Variants in SERPINF2 observed in about 807,000 individuals in gnomAD.
The protein encoded by SERPINF2 is serpin family F member 2.
SERPINF2 carries 15 observed loss-of-function variants against 45.0 expected under a neutral mutation model. The ratio of observed to expected loss-of-function variants is 0.33; its 90% CI spans 0.22 to 0.51. The LOEUF is 0.51. SERPINF2 is among the 20% of genes least tolerant of loss of function. The probability of loss-of-function intolerance (pLI) is 0.97; values close to 1 mark genes in which losing one functional copy is unlikely to be tolerated. For missense variants in SERPINF2, 518 were observed against 637.4 expected (o/e 0.81, Z 2.02); for synonymous variants, 283 against 277.9 (o/e 1.02, Z -0.18).
rs556043537 is a variant in SERPINF2, at chr17:1,743,198, G to A, written c.-5+290G>A. 5 of 720,984 alleles carry A rather than the reference G, an allele frequency of 6.9e-6. No homozygotes were observed. The East Asian group carries it at 3.9e-4, about 56-fold the overall frequency. 44.7% of individuals were successfully genotyped at this position (720,984 alleles called of 1,614,324 possible). On this transcript the variant is annotated intron_variant, in intron 1 of 9. Transcript: ENST00000453066. ...GGTGGGCTGGAGGTAGCTGAGACCT[G>A]CTCTGACTTATCCTCCTGAGACCAA...
At chr17:1,750,286 C>A (rs12936190) in intron 8 of SERPINF2, among the ~76,000 whole-genome samples, 34,889 of 151,796 alleles carry the variant, frequency 0.23, 4,028 homozygotes, top group South Asian at 0.39. Flanking sequence ...GTAGCTTGGA[C>A]TACAGGCGCC....
Position 1,742,888 on chromosome 17 carries a change from G to T in SERPINF2, c.-25G>T. On this transcript the variant is annotated 5_prime_UTR_variant, in exon 1 of 10. Transcript: ENST00000453066. ...GTGGGGCCAGAGGAACGTTGTGTGTGGCAGCAAGGAGCCCGCAGAGGTATG... is the reference window on the plus strand; with the variant it reads ...GTGGGGCCAGAGGAACGTTGTGTGTTGCAGCAAGGAGCCCGCAGAGGTATG... 1 of 985,414 alleles carries T rather than the reference G, an allele frequency of 1.0e-6. No homozygotes were observed. The highest frequency in any genetic ancestry group is 1.2e-6 in the Non-Finnish European group (1 of 830,042). 61.0% of individuals were successfully genotyped at this position (985,414 alleles called of 1,614,324 possible).
Position 1,754,665 on chromosome 17 carries a change from A to T in SERPINF2, c.*131A>T. ...CTGAGAGAGGCCATTCTTTCCCAAC[A>T]CCTCTTGGGGAGTTTAGGGTGGGGG... On this transcript the variant is annotated 3_prime_UTR_variant, in exon 10 of 10. Coordinates refer to ENST00000453066, the MANE Select transcript of SERPINF2 (RefSeq NM_000934.4). 2.7e-6 allele frequency: 1 copy of T among 371,762 alleles called. No individual in the cohort carries two copies. The highest frequency in any genetic ancestry group is 4.3e-6 in the Non-Finnish European group (1 of 233,088). 23.0% of individuals were successfully genotyped at this position (371,762 alleles called of 1,614,324 possible).
In SERPINF2 at chr17:1,748,697, C is replaced by T. The variant is rs374422816; in HGVS notation, c.815C>T (p.Thr272Met). ...TVPVEMMQAR[T>M]YPLRWFLLEQ... ...CCCGTGGAAATGATGCAGGCCCGCA[C>T]GTACCCGCTGCGCTGGTTCTTGCTG... Residue 272 changes from threonine (T) to methionine (M), a missense_variant, in exon 8 of 10, where the codon ACG becomes ATG. This residue lies in a region of SERPINF2 where 435 missense variants were observed against 577.3 expected (regional missense o/e 0.75). Coordinates refer to ENST00000453066, the MANE Select transcript of SERPINF2 (RefSeq NM_000934.4). The T allele has an allele frequency of 3.1e-4, 493 of 1,568,902 alleles. 5 individuals are homozygous for T. In the South Asian group the frequency reaches 4.7e-3, roughly 15 times the overall value.
In SERPINF2 at chr17:1,742,902, C is replaced by T. The variant is rs570653592; in HGVS notation, c.-11C>T. 51 of 985,256 alleles carry T rather than the reference C, an allele frequency of 5.2e-5. No individual in the cohort carries two copies. Among genetic ancestry groups the T allele is most frequent in the African/African-American group, 5.1e-4 (29 of 57,186 alleles). 61.0% of individuals were successfully genotyped at this position (985,256 alleles called of 1,614,324 possible). A position where few individuals can be genotyped will look rare whatever the true frequency, so the allele number is the denominator to read the frequency against. The stretch of plus-strand genomic sequence containing the variant: ...ACGTTGTGTGTGGCAGCAAGGAGCC[C>T]GCAGAGGTATGAGGGGAGGGGCTGC... On this transcript the variant is annotated 5_prime_UTR_variant, in exon 1 of 10. Transcript: ENST00000453066.
At chr17:1,746,386 G>T (rs1216641279) in intron 5 of SERPINF2, among the ~76,000 whole-genome samples, 1 of 151,654 alleles carries the variant, frequency 6.6e-6, no homozygotes, top group East Asian at 1.9e-4. Context: ...AGATCTCAGG[G>T]ACTGGGCCGG....
Position 1,747,123 on chromosome 17 carries a change from G to C in SERPINF2, c.472G>C (p.Gly158Arg). The change falls in exon 6 of 10, where the codon GGC (glycine) becomes CGC (arginine). Residue 158 changes from glycine to arginine, a missense_variant. This residue lies in a region of SERPINF2 where 435 missense variants were observed against 577.3 expected (regional missense o/e 0.75). Transcript: ENST00000453066. ...CCGCCTCTGCCAGGACCTGGGCCCC[G>C]GCGCGTTCCGACTGGCTGCCAGGAT... Reference protein sequence around the residue: ...LSRLCQDLGPGAFRLAARMYL... With the variant: ...LSRLCQDLGPRAFRLAARMYL... 1 of 1,611,810 alleles carries C rather than the reference G, an allele frequency of 6.2e-7. No homozygotes were observed.
chr17:1,751,358 A>G (rs1906379522), intron 8 of SERPINF2, among the ~76,000 whole-genome samples: 1 of 151,212 alleles, frequency 6.6e-6, no homozygotes, highest in African/African-American at 2.4e-5. Context: ...CTGAGGCAGG[A>G]GAATCACTTG....
rs1284884792 is a variant in SERPINF2 at position 1,747,442 on chromosome 17, G to T, written c.645G>T (p.Lys215Asn). ...GGGTGAAGGAGGCCACGGAGGGGAA[G>T]ATTCAGGAATTCCTCTCTGGGCTGC... ...NQWVKEATEG[K>N]IQEFLSGLPE... Residue 215 changes from lysine (K) to asparagine (N), a missense_variant, in exon 7 of 10, where the codon AAG (lysine) becomes AAT (asparagine). By Grantham distance (94) the Lys-to-Asn change is moderately conservative. Transcript: ENST00000453066. 2 of 1,614,194 alleles carry T rather than the reference G, an allele frequency of 1.2e-6. No homozygotes were observed. The highest frequency in any genetic ancestry group is 2.2e-5 in the South Asian group (2 of 91,084).
At chr17:1,753,424 C>T (rs191188120) in intron 9 of SERPINF2, among the ~76,000 whole-genome samples, 6 of 152,270 alleles carry the variant, frequency 3.9e-5, no homozygotes, top group Admixed American at 1.3e-4. Flanking sequence ...TGGTGGCTCA[C>T]GTCTGTAATC....
chr17:1,749,950 C>T (rs956226682), intron 8 of SERPINF2, among the ~76,000 whole-genome samples: 4 of 151,190 alleles, frequency 2.6e-5, no homozygotes, highest in Admixed American at 1.3e-4. Flanking sequence ...CAGCATCTTG[C>T]GTGGAACATT....
rs564324815 is a variant in SERPINF2, at chr17:1,748,028, G to A, written c.715+516G>A. 9.3e-5 allele frequency among the ~76,000 whole-genome samples: 14 copies of A among 150,168 alleles called. No homozygotes were observed. In the East Asian group the frequency reaches 1.7e-3, roughly 18 times the overall value. On this transcript the variant is annotated intron_variant, in intron 7 of 9. Transcript: ENST00000453066. ...AAAAGATCCAGGAGGGGCTGGGCGC[G>A]GTGGCTCACGCCTGTAATCCCAACA... is the stretch of plus-strand genomic sequence containing the variant.
intron 9 of SERPINF2, among the ~76,000 whole-genome samples, chr17:1,753,195 G>A (rs976793155): frequency 1.3e-5 from 2 of 152,130 alleles, no homozygotes; most frequent in South Asian, 4.1e-4. Context: ...GCTTGAGCCC[G>A]GGAGTCCGAC....
At chr17:1,748,877 G>A (rs1906116435) in intron 8 of SERPINF2, 137 bp downstream of exon 8, 1 of 733,914 alleles carries the variant, frequency 1.4e-6, no homozygotes, top group East Asian at 2.5e-5. Context: ...GCAGGCAACT[G>A]CAAAAGGTCC....
chr17:1,754,685 T>TGGGGGGGGGGGGG lies in SERPINF2; in HGVS notation c.*161_*162insGGGGGGGGGGGGG, dbSNP rs67887323. The TGGGGGGGGGGGGG allele has an allele frequency of 1.7e-5, 3 of 181,384 alleles. No homozygotes were observed. The highest frequency in any genetic ancestry group is 6.4e-5 in the South Asian group (1 of 15,732). The allele number at this position is 181,384 out of a possible 1,614,324, so 11.2% of individuals were successfully genotyped here. A position where few individuals can be genotyped will look rare whatever the true frequency, so the allele number is the denominator to read the frequency against. On this transcript the variant is annotated 3_prime_UTR_variant, in exon 10 of 10. Coordinates refer to ENST00000453066, the MANE Select transcript of SERPINF2 (RefSeq NM_000934.4). ...CCAACACCTCTTGGGGAGTTTAGGG[T>TGGGGGGGGGGGGG]GGGGGGGGGGCGCGGCTGGGAGGAG...
chr17:1,747,878 C>G (rs1051915028), intron 7 of SERPINF2, among the ~76,000 whole-genome samples: 8 of 149,558 alleles, frequency 5.3e-5, no homozygotes, highest in African/African-American at 2.0e-4. Flanking sequence ...AGGCTTTGTT[C>G]TGAGGGTCTC....
chr17:1,754,516 G>T lies in SERPINF2; in HGVS notation c.1458G>T (p.Gln486His), dbSNP rs763488331. The change falls in exon 10 of 10, where the codon CAG (glutamine) becomes CAT (histidine). Residue 486 changes from glutamine (Q) to histidine (H), a missense_variant. Around this residue, in one of 2 missense-constraint regions of SERPINF2, gnomAD observed 83 missense variants for 60.0 expected, o/e 1.38. Transcript: ENST00000453066. ...CCCCCATGGAGGAGGATTACCCCCA[G>T]TTTGGCAGCCCCAAGTGAGGGGCCG... ...LVPPMEEDYP[Q>H]FGSPK 7 of 1,610,284 alleles carry T rather than the reference G, an allele frequency of 4.3e-6. No homozygotes were observed.
intron 5 of SERPINF2, among the ~76,000 whole-genome samples, chr17:1,746,645 T>A (rs546194092): frequency 2.6e-4 from 39 of 152,040 alleles, no homozygotes; most frequent in Non-Finnish European, 4.0e-4. Context: ...CAGGGTGGTC[T>A]CGAACTCTCG....
At position 1,754,469 on chromosome 17, in the gene SERPINF2, G is replaced by A. The variant is rs1218570260; in HGVS notation, c.1411G>A (p.Gly471Ser). The change falls in exon 10 of 10, where the codon GGC becomes AGC. Residue 471 changes from glycine to serine, a missense_variant. By Grantham distance (56) the Gly-to-Ser change is moderately conservative. Around this residue, in one of 2 missense-constraint regions of SERPINF2, gnomAD observed 83 missense variants for 60.0 expected, o/e 1.38. Coordinates refer to ENST00000453066, the MANE Select transcript of SERPINF2 (RefSeq NM_000934.4). Reference sequence around the variant, plus strand: ...CTTCCCCCGCGGAGACAAGCTTTTCGGCCCTGACTTAAAACTTGTGCCCCC... The same window carrying A: ...CTTCCCCCGCGGAGACAAGCTTTTCAGCCCTGACTTAAAACTTGTGCCCCC... Reference protein sequence around the residue: ...KGFPRGDKLFGPDLKLVPPME... With the variant: ...KGFPRGDKLFSPDLKLVPPME... 6 of 1,607,536 alleles carry A rather than the reference G, an allele frequency of 3.7e-6. No individual in the cohort carries two copies. The highest frequency in any genetic ancestry group is 2.2e-5 in the East Asian group (1 of 44,824).
Sources: allele counts gnomAD v4.1 joint callset (sites outside exome capture counted in the v4.1 genomes callset), GRCh38; gene constraint gnomAD v4.1.1; regional missense constraint gnomAD v4.1.1; transcripts MANE v1.5; gene names NCBI Gene and HGNC (gene_info 2026-07-23, HGNC 2026-07-21).